RGS6: variants seen among roughly 807,000 people sequenced by gnomAD.
RGS6 encodes regulator of G-protein signaling 6.
A neutral mutation model predicts 78.5 loss-of-function variants in RGS6; 30 were observed. That is an observed-to-expected ratio of 0.38 (90% CI 0.29 to 0.52). The LOEUF (loss-of-function observed/expected upper bound fraction) is 0.52, where lower values mean the gene tolerates loss of function less well. Among genes scored for constraint, RGS6 ranks in the 20% least tolerant of loss-of-function variants. RGS6 has a pLI of 0.85. For missense variants in RGS6, 495 were observed against 609.7 expected, an observed-to-expected ratio of 0.81 and a Z score of 1.98; for synonymous variants, 206 against 206.0, an observed-to-expected ratio of 1.00 and a Z score of 0.00.
intron 3 of RGS6, among the ~76,000 whole-genome samples, chr14:72,390,665 A>G (rs2089726578): frequency 6.6e-6 from 1 of 152,210 alleles, no homozygotes; most frequent in Non-Finnish European, 1.5e-5. Context: ...TAGAGGGGAA[A>G]AAACCACTTA....
intron 2 of RGS6, among the ~76,000 whole-genome samples, chr14:72,105,230 C>T (rs2095609656): frequency 2.0e-5 from 3 of 152,168 alleles, no homozygotes; most frequent in African/African-American, 4.8e-5. Flanking sequence ...GTGGGACAGG[C>T]CTGATGTGGT....
chr14:72,365,623 T>A (rs1486037623), intron 3 of RGS6, among the ~76,000 whole-genome samples: 1 of 152,248 alleles, frequency 6.6e-6, no homozygotes, highest in Non-Finnish European at 1.5e-5. Context: ...AAAGCACCTG[T>A]TTCGATCTTA....
At chr14:72,363,210 G>A (rs973088697) in intron 3 of RGS6, among the ~76,000 whole-genome samples, 20 of 152,290 alleles carry the variant, frequency 1.3e-4, no homozygotes, top group African/African-American at 3.8e-4. Context: ...ATGGACTGCC[G>A]TCAGAGGTTT....
chr14:72,137,239 T>C (rs952036418), intron 2 of RGS6, among the ~76,000 whole-genome samples: 4 of 152,228 alleles, frequency 2.6e-5, no homozygotes, highest in African/African-American at 9.7e-5. Context: ...CTTACATATA[T>C]GATTTTGTAA....
intron 2 of RGS6, among the ~76,000 whole-genome samples, chr14:72,281,710 A>G (rs551165924): frequency 3.5e-4 from 53 of 152,310 alleles, no homozygotes; most frequent in African/African-American, 1.3e-3. Context: ...CCTTTCTAGG[A>G]GAAGGAACAC....
chr14:72,625,914 G>A, the RGS6 span, among the ~76,000 whole-genome samples: 3 of 152,052 alleles, frequency 2.0e-5, no homozygotes, highest in East Asian at 1.9e-4. Flanking sequence ...TCTAGCATAC[G>A]TAGTTTCAGA....
chr14:72,334,983 C>T (rs180765891), intron 2 of RGS6, among the ~76,000 whole-genome samples: 14 of 152,168 alleles, frequency 9.2e-5, no homozygotes, highest in Admixed American at 6.5e-5. Flanking sequence ...TCCCTTGTGT[C>T]GTGAAAGGGA....
At chr14:71,910,161 G>A in the RGS6 span, among the ~76,000 whole-genome samples, 17 of 152,166 alleles carry the variant, frequency 1.1e-4, no homozygotes, top group African/African-American at 4.1e-4. Flanking sequence ...CTGCACTCCA[G>A]CCTAGGCAAC....
the RGS6 span, among the ~76,000 whole-genome samples, chr14:72,613,284 C>T: frequency 1.3e-5 from 2 of 152,090 alleles, no homozygotes; most frequent in African/African-American, 4.8e-5. Flanking sequence ...ACCATGGCCG[C>T]GTTTATTTGC....
chr14:72,104,595 C>T (rs753790679), intron 2 of RGS6, among the ~76,000 whole-genome samples: 1 of 152,160 alleles, frequency 6.6e-6, no homozygotes, highest in East Asian at 1.9e-4. Context: ...GCAAAGCCAC[C>T]GTGGCCTTTG....
In RGS6 at chr14:72,092,280, C is replaced by T. The variant is rs1188119304; in HGVS notation, c.84+127405C>T. ...CCTCAAGTGATCCACCCACTTCGGC[C>T]TCCCAAAGTGAGCTTATGTCTTTTT... On this transcript the variant is annotated intron_variant, in intron 2 of 17. Coordinates refer to ENST00000553525, the MANE Select transcript of RGS6 (RefSeq NM_001204424.2). 2.6e-5 allele frequency among the ~76,000 whole-genome samples: 4 copies of T among 152,154 alleles called. No homozygotes were observed. In the East Asian group the frequency reaches 7.7e-4, roughly 29 times the overall value.
At chr14:71,981,293 C>G (rs866876450) in intron 2 of RGS6, among the ~76,000 whole-genome samples, 1 of 152,168 alleles carries the variant, frequency 6.6e-6, no homozygotes, top group Non-Finnish European at 1.5e-5. Flanking sequence ...AGCTTTGTTC[C>G]GTTGCTGGTG....
Position 72,042,668 on chromosome 14 carries a change from T to G in RGS6, c.84+77793T>G, listed in dbSNP as rs73295135. ...TAAACTTTTTTTTTCATGTTAAACATTCACTGGTTTTTCAATATCTGCATA... is the reference window on the plus strand; with the variant it reads ...TAAACTTTTTTTTTCATGTTAAACAGTCACTGGTTTTTCAATATCTGCATA... On this transcript the variant is annotated intron_variant, in intron 2 of 17. Coordinates refer to ENST00000553525, the MANE Select transcript of RGS6 (RefSeq NM_001204424.2). 4.2e-3 allele frequency among the ~76,000 whole-genome samples: 633 copies of G among 152,278 alleles called. 3 individuals carry two copies. Among genetic ancestry groups the G allele is most frequent in the African/African-American group, 0.014 (600 of 41,554 alleles).
the RGS6 span, among the ~76,000 whole-genome samples, chr14:71,878,139 T>C: frequency 6.6e-6 from 1 of 152,166 alleles, no homozygotes; most frequent in Non-Finnish European, 1.5e-5. Flanking sequence ...GGGACCCACT[T>C]GAGGAGGCAA....
chr14:72,238,861 C>A (rs185505622), intron 2 of RGS6, among the ~76,000 whole-genome samples: 2 of 152,262 alleles, frequency 1.3e-5, no homozygotes, highest in East Asian at 3.9e-4. Context: ...ACTCATACAA[C>A]CTGTTCTGTA....
rs145577146 is a variant in RGS6, at chr14:72,256,385, A to G, written c.85-95710A>G. 3.1e-3 allele frequency among the ~76,000 whole-genome samples: 468 copies of G among 152,256 alleles called. 1 individual carries two copies. The highest frequency in any genetic ancestry group is 0.011 in the African/African-American group (449 of 41,528). On this transcript the variant is annotated intron_variant, in intron 2 of 17. Coordinates refer to ENST00000553525, the MANE Select transcript of RGS6 (RefSeq NM_001204424.2). ...AGTCTGAAAAATATCTCAAAGACCA[A>G]TCTTAGGTTTTACAATAGTGATGTT...
upstream of RGS6, among the ~76,000 whole-genome samples, chr14:71,931,409 C>T (rs2087851825): frequency 6.6e-6 from 1 of 152,112 alleles, no homozygotes; most frequent in Non-Finnish European, 1.5e-5. Context: ...TGCTATTTGT[C>T]TATTGAAGGA....
the RGS6 span, among the ~76,000 whole-genome samples, chr14:71,897,349 T>G: frequency 2.0e-5 from 3 of 152,188 alleles, no homozygotes; most frequent in East Asian, 5.8e-4. Flanking sequence ...GATTTCCTCC[T>G]CTGTAGTATT....
intron 2 of RGS6, among the ~76,000 whole-genome samples, chr14:72,075,838 T>C (rs1254739786): frequency 6.6e-6 from 1 of 152,202 alleles, no homozygotes; most frequent in Non-Finnish European, 1.5e-5. Flanking sequence ...GTGTTGGAAA[T>C]GGCAGGCTGC....
Sources: allele counts gnomAD v4.1 joint callset (sites outside exome capture counted in the v4.1 genomes callset), GRCh38; gene constraint gnomAD v4.1.1; transcripts MANE v1.5; gene names NCBI Gene and HGNC (gene_info 2026-07-23, HGNC 2026-07-21).